C21orf91: variants seen among roughly 807,000 people sequenced by gnomAD.
The protein encoded by C21orf91 is chromosome 21 open reading frame 91.
In C21orf91, 26 loss-of-function variants were observed where a neutral mutation model predicts 32.9. That is an observed-to-expected ratio of 0.79 (90% confidence interval 0.58 to 1.10). C21orf91 has a LOEUF of 1.10. Among genes scored for constraint, C21orf91 ranks in the 50% least tolerant of loss-of-function variants. The pLI, the probability that C21orf91 is intolerant of heterozygous loss-of-function variation, is 0.00. For missense variants in C21orf91, 310 were observed against 341.3 expected (o/e 0.91, Z 0.72); for synonymous variants, 126 against 120.4 (o/e 1.05, Z -0.31).
rs200103095 is a variant in C21orf91 at position 17,793,502 on chromosome 21, G to A, written c.807C>T (p.Ile269=). The A allele has an allele frequency of 5.1e-4, 825 of 1,613,454 alleles. No homozygotes were observed. Among genetic ancestry groups the A allele is most frequent in the Non-Finnish European group, 6.7e-4 (792 of 1,179,536 alleles). ...ASQLHVRHVA[I]EQLLKNCSKL... ...TAGAACAGTTCTTCAGAAGCTGTTC[G>A]ATGGCAACGTGGCGGACATGGAGCT... The change falls in exon 5 of 5, where the codon ATC becomes ATT. Residue 269 remains isoleucine, a synonymous_variant. Transcript: ENST00000284881.
At chr21:17,802,694 ATAAG>A (rs2062570126) in intron 2 of C21orf91, among the ~76,000 whole-genome samples, 1 of 152,232 alleles carries the variant, frequency 6.6e-6, no homozygotes, top group Non-Finnish European at 1.5e-5. Flanking sequence ...CTTGGTAGTA[ATAAG>A]TAAGCTAGGC....
intron 2 of C21orf91, among the ~76,000 whole-genome samples, chr21:17,816,070 T>G (rs912295092): frequency 5.3e-5 from 8 of 152,230 alleles, no homozygotes; most frequent in African/African-American, 1.9e-4. Flanking sequence ...AAGAAATTAT[T>G]TGACTCTAAT....
In C21orf91 at chr21:17,792,175, C is replaced by G. The variant is rs1257172351; in HGVS notation, c.*1240G>C. The G allele has an allele frequency of 2.0e-5, 3 of 152,266 alleles. 1 individual carries two copies. In the South Asian group the frequency reaches 6.2e-4, roughly 32 times the overall value. 9.4% of individuals were successfully genotyped at this position (152,266 alleles called of 1,614,324 possible). A position where few individuals can be genotyped will look rare whatever the true frequency, so the allele number is the denominator to read the frequency against. On this transcript the variant is annotated 3_prime_UTR_variant, in exon 5 of 5. Transcript: ENST00000284881. ...AATTCTGCATTGGTTATAGCCTTTA[C>G]TGTAATACATTATTAAAATTTATCT...
rs1484858663 is a variant in C21orf91 at position 17,791,617 on chromosome 21, A to G, written c.*1798T>C. 2.0e-5 allele frequency: 3 copies of G among 152,208 alleles called. No homozygotes were observed. Among genetic ancestry groups the G allele is most frequent in the African/African-American group, 7.2e-5 (3 of 41,472 alleles). The allele number at this position is 152,208 out of a possible 1,614,324, so 9.4% of individuals were successfully genotyped here. A position where few individuals can be genotyped will look rare whatever the true frequency, so the allele number is the denominator to read the frequency against. ...AATTACGCCAAAAAAGAGTAAAGTCAAATTTGAAAATGTGGGAACAATTAA... is the reference window on the plus strand; with the variant it reads ...AATTACGCCAAAAAAGAGTAAAGTCGAATTTGAAAATGTGGGAACAATTAA... On this transcript the variant is annotated 3_prime_UTR_variant, in exon 5 of 5. Coordinates refer to ENST00000284881, the MANE Select transcript of C21orf91 (RefSeq NM_001100420.2).
At chr21:17,809,017 T>A (rs2062616166) in intron 2 of C21orf91, 1 of 152,672 alleles carries the variant, frequency 6.5e-6, no homozygotes, top group African/African-American at 2.4e-5. Context: ...TCCTCCTTCT[T>A]TGGCCATTAA....
chr21:17,796,526 A>C (rs536630928), intron 3 of C21orf91, 56 bp downstream of exon 3: 1 of 1,349,030 alleles, frequency 7.4e-7, no homozygotes, highest in African/African-American at 1.5e-5. Context: ...ACATCTATAC[A>C]AATGTACAAA....
chr21:17,811,523 G>A lies in C21orf91; in HGVS notation c.127+6669C>T, dbSNP rs540648671. The A allele has an allele frequency of 3.1e-4, 47 of 152,152 alleles. No homozygotes were observed. The South Asian group carries it at 3.1e-3, about 10-fold the overall frequency. The allele number at this position is 152,152 out of a possible 1,614,324, so 9.4% of individuals were successfully genotyped here. Reference sequence around the variant, plus strand: ...TAATAAGAAAAATTACACTTTTAGCGTCTATTATACTTCATAAAGGCAAAT... The same window carrying A: ...TAATAAGAAAAATTACACTTTTAGCATCTATTATACTTCATAAAGGCAAAT... On this transcript the variant is annotated intron_variant, in intron 2 of 4. Coordinates refer to ENST00000284881, the MANE Select transcript of C21orf91 (RefSeq NM_001100420.2).
Position 17,793,515 on chromosome 21 carries a change from CG to C in C21orf91, c.793del (p.Arg265AlafsTer9). 1 of 1,613,472 alleles carries C rather than the reference CG, an allele frequency of 6.2e-7. No homozygotes were observed. Among genetic ancestry groups the C allele is most frequent in the East Asian group, 2.2e-5 (1 of 44,806 alleles). On this transcript the variant is annotated frameshift_variant, in exon 5 of 5. Transcript: ENST00000284881. LOFTEE classifies it high-confidence loss of function. The part of the protein sequence containing the change: ...KDSLASQLHV[R>X]HVAIEQLLKN... The stretch of plus-strand genomic sequence containing the variant: ...CAGAAGCTGTTCGATGGCAACGTGG[CG>C]GACATGGAGCTGTGAGGCCAAAGAA...
intron 3 of C21orf91, 120 bp from the exon 4 acceptor site, chr21:17,795,390 C>A: frequency 1.4e-6 from 1 of 692,006 alleles, no homozygotes; most frequent in Non-Finnish European, 2.6e-6. Flanking sequence ...CAACATTCAG[C>A]AGTACTCCAG....
chr21:17,803,451 C>A (rs1261674999), intron 2 of C21orf91, among the ~76,000 whole-genome samples: 1 of 151,890 alleles, frequency 6.6e-6, no homozygotes, highest in Non-Finnish European at 1.5e-5. Flanking sequence ...GCACAGGCTG[C>A]GATGAGCCAC....
At chr21:17,805,798 T>G (rs768770878) in intron 2 of C21orf91, among the ~76,000 whole-genome samples, 2 of 152,230 alleles carry the variant, frequency 1.3e-5, no homozygotes, top group Non-Finnish European at 2.9e-5. Context: ...CATATTCCCC[T>G]AAAGGATTTA....
At chr21:17,814,117 A>G (rs573888310) in intron 2 of C21orf91, among the ~76,000 whole-genome samples, 1 of 152,310 alleles carries the variant, frequency 6.6e-6, no homozygotes, top group African/African-American at 2.4e-5. Context: ...GAAAACTGAT[A>G]GTATGAACCA....
intron 2 of C21orf91, among the ~76,000 whole-genome samples, chr21:17,802,449 A>C (rs1460727103): frequency 1.3e-5 from 2 of 152,154 alleles, no homozygotes; most frequent in Admixed American, 1.3e-4. Context: ...GTGGCGTGTA[A>C]TCCTGGGATC....
intron 2 of C21orf91, among the ~76,000 whole-genome samples, chr21:17,801,273 TG>T (rs1024689577): frequency 7.3e-4 from 111 of 151,186 alleles, no homozygotes; most frequent in East Asian, 3.7e-3. Flanking sequence ...AAACACCGTA[TG>T]TTTTTTTTTT....
chr21:17,814,629 T>C (rs2062653506), intron 2 of C21orf91, among the ~76,000 whole-genome samples: 1 of 151,974 alleles, frequency 6.6e-6, no homozygotes, highest in African/African-American at 2.4e-5. Context: ...CTCAACTGAC[T>C]AGAGTAGGAG....
At position 17,796,899 on chromosome 21, in the gene C21orf91, G is replaced by A. The variant is rs1002006418; in HGVS notation, c.347C>T (p.Pro116Leu). 4 of 1,613,692 alleles carry A rather than the reference G, an allele frequency of 2.5e-6. No individual in the cohort carries two copies. Among genetic ancestry groups the A allele is most frequent in the Non-Finnish European group, 3.4e-6 (4 of 1,179,768 alleles). ...LDSDSECSKNPQHHLFNFRHK... is the reference protein window; with the variant it reads ...LDSDSECSKNLQHHLFNFRHK... ...CCTGAAATTAAACAGATGATGCTGG[G>A]GGTTTTTAGAACATTCAGAATCTGA... Residue 116 changes from proline (P) to leucine (L), a missense_variant, in exon 3 of 5, where the codon CCC (proline) becomes CTC (leucine). Transcript: ENST00000284881.
At position 17,795,243 on chromosome 21, in the gene C21orf91, T is replaced by C. The variant is rs1211445094; in HGVS notation, c.692A>G (p.Glu231Gly). The C allele has an allele frequency of 1.9e-6, 3 of 1,611,284 alleles. No individual in the cohort carries two copies. The Admixed American group carries it at 5.0e-5, about 27-fold the overall frequency. ...CTGTAGGAGCTTTGCATTCAGTTGC[T>C]CTACCTCACCAAGAGTCATCGAATT... ...ELNSMTLGEV[E>G]QLNAKLLQQI... Residue 231 changes from glutamate to glycine, a missense_variant, in exon 4 of 5, where the codon GAG becomes GGG. Glu to Gly is a moderately conservative substitution (Grantham distance 98). Coordinates refer to ENST00000284881, the MANE Select transcript of C21orf91 (RefSeq NM_001100420.2).
intron 2 of C21orf91, among the ~76,000 whole-genome samples, chr21:17,809,141 C>T (rs1231619164): frequency 6.6e-6 from 1 of 152,132 alleles, no homozygotes; most frequent in Non-Finnish European, 1.5e-5. Flanking sequence ...TCATAAATTA[C>T]CCAGTCTCAG....
chr21:17,818,394 G>T (rs2062679841), intron 1 of C21orf91, 69 bp from the exon 2 acceptor site: 4 of 1,322,224 alleles, frequency 3.0e-6, no homozygotes, highest in Admixed American at 4.3e-5. Flanking sequence ...TCCCTTTACT[G>T]GGAACTTCTA....
Sources: gnomAD v4.1 joint callset for allele counts (sites outside exome capture counted in the v4.1 genomes callset) on GRCh38, gnomAD v4.1.1 for gene constraint, MANE v1.5 for transcripts, NCBI Gene and HGNC (gene_info 2026-07-23, HGNC 2026-07-21) for gene names.